GSK3B: variants seen among roughly 807,000 people sequenced by gnomAD.
GSK3B encodes glycogen synthase kinase-3 beta.
Under a neutral mutation model 56.4 loss-of-function variants are expected in GSK3B, and 15 were observed. The ratio of observed to expected loss-of-function variants is 0.27; its 90% CI spans 0.18 to 0.41. The LOEUF (loss-of-function observed/expected upper bound fraction) is 0.41. GSK3B is among the 10% of genes least tolerant of loss of function. GSK3B has a pLI of 1.00. For missense variants in GSK3B, 300 were observed against 513.4 expected (o/e 0.58, Z 4.02); for synonymous variants, 181 against 188.9 (o/e 0.96, Z 0.34).
At chr3:119,929,586 A>G (rs141123859) in intron 3 of GSK3B, among the ~76,000 whole-genome samples, 4 of 151,962 alleles carry the variant, frequency 2.6e-5, no homozygotes, top group Non-Finnish European at 5.9e-5. Context: ...TGGGCAACAC[A>G]GGGAGGCACC....
intron 2 of GSK3B, among the ~76,000 whole-genome samples, chr3:119,983,176 G>C (rs1361272821): frequency 1.3e-5 from 2 of 152,058 alleles, no homozygotes; most frequent in Admixed American, 6.5e-5. Flanking sequence ...GTCACCACCA[G>C]GCCTGCCTTA....
intron 1 of GSK3B, among the ~76,000 whole-genome samples, chr3:120,040,935 T>C (rs989974736): frequency 1.3e-5 from 2 of 151,860 alleles, no homozygotes; most frequent in African/African-American, 4.8e-5. Context: ...TATGAACCTA[T>C]TCCCTCCCAG....
intron 4 of GSK3B, among the ~76,000 whole-genome samples, chr3:119,922,128 T>A (rs567585926): frequency 1.4e-5 from 2 of 146,200 alleles, no homozygotes; most frequent in Non-Finnish European, 3.0e-5. Flanking sequence ...CAGAGTGAAA[T>A]GAAGGAAGGA....
At chr3:119,888,532 C>G (rs1559823797) in intron 7 of GSK3B, among the ~76,000 whole-genome samples, 2 of 152,092 alleles carry the variant, frequency 1.3e-5, no homozygotes, top group African/African-American at 4.8e-5. Flanking sequence ...GGATGTACGT[C>G]ACCTCAGGCC....
chr3:119,844,239 T>C (rs778087516), intron 9 of GSK3B, among the ~76,000 whole-genome samples: 25 of 151,764 alleles, frequency 1.6e-4, no homozygotes, highest in African/African-American at 2.7e-4. Context: ...AGATGTAAAA[T>C]TGACACCCTA....
chr3:119,979,494 G>A (rs966683766), intron 2 of GSK3B, among the ~76,000 whole-genome samples: 4 of 151,924 alleles, frequency 2.6e-5, no homozygotes, highest in African/African-American at 9.7e-5. Flanking sequence ...TCCTCCACCT[G>A]TTACCCATTC....
At chr3:119,863,308 AC>A in intron 9 of GSK3B, 110 bp downstream of exon 9, 1 of 827,634 alleles carries the variant, frequency 1.2e-6, no homozygotes, top group Non-Finnish European at 2.0e-6. Context: ...CTACCTAAGT[AC>A]TTAATATGTC....
intron 2 of GSK3B, among the ~76,000 whole-genome samples, chr3:119,954,686 CTTT>C (rs1303752389): frequency 6.6e-6 from 1 of 152,084 alleles, no homozygotes; most frequent in Non-Finnish European, 1.5e-5. Context: ...AAAACTGATT[CTTT>C]TGTTTTAACC....
At chr3:120,073,280 T>G (rs1466736687) in intron 1 of GSK3B, among the ~76,000 whole-genome samples, 1 of 144,178 alleles carries the variant, frequency 6.9e-6, no homozygotes, top group South Asian at 2.2e-4. Context: ...TCCTAGCTAA[T>G]TGAAAGGCTG....
intron 7 of GSK3B, among the ~76,000 whole-genome samples, chr3:119,893,102 G>A (rs947748941): frequency 6.6e-6 from 1 of 151,998 alleles, no homozygotes; most frequent in African/African-American, 2.4e-5. Context: ...CTACCTCCCA[G>A]GTTCAAGTGA....
chr3:120,017,310 A>G (rs1403108949), intron 1 of GSK3B, among the ~76,000 whole-genome samples: 1 of 152,232 alleles, frequency 6.6e-6, no homozygotes, highest in Non-Finnish European at 1.5e-5. Flanking sequence ...AGCCAGAAGA[A>G]AGCCAGAAAA....
rs1013446653 is a variant in GSK3B at position 120,003,666 on chromosome 3, T to A, written c.89-1427A>T. ...ATCCAAATGCACTAGTGGAATATTATAACCAATATTTATATCCATTTAAAT... is the reference window on the plus strand; with the variant it reads ...ATCCAAATGCACTAGTGGAATATTAAAACCAATATTTATATCCATTTAAAT... On this transcript the variant is annotated intron_variant, in intron 1 of 10. Transcript: ENST00000264235. Among the ~76,000 whole-genome samples, 7 of 152,370 alleles carry A rather than the reference T, an allele frequency of 4.6e-5. No individual in the cohort carries two copies. The East Asian group carries it at 1.2e-3, about 25-fold the overall frequency.
intron 1 of GSK3B, among the ~76,000 whole-genome samples, chr3:120,073,458 T>C (rs1386940374): frequency 6.6e-6 from 1 of 152,148 alleles, no homozygotes; most frequent in Non-Finnish European, 1.5e-5. Context: ...ACTACACTTC[T>C]TACCCATCTC....
At chr3:119,993,676 G>A (rs887484293) in intron 2 of GSK3B, among the ~76,000 whole-genome samples, 1 of 152,138 alleles carries the variant, frequency 6.6e-6, no homozygotes, top group Non-Finnish European at 1.5e-5. Flanking sequence ...TCAGAAAGAG[G>A]AGTTACAAAT....
chr3:120,031,685 C>T (rs944937981), intron 1 of GSK3B, among the ~76,000 whole-genome samples: 25 of 152,212 alleles, frequency 1.6e-4, no homozygotes, highest in Non-Finnish European at 3.4e-4. Flanking sequence ...TATCACCATC[C>T]TCTGTTTCAC....
rs1025074952 is a variant in GSK3B at position 119,821,516 on chromosome 3, G to A, written c.*5272C>T. 1 of 152,172 alleles carries A rather than the reference G, an allele frequency of 6.6e-6. No homozygotes were observed. Among genetic ancestry groups the A allele is most frequent in the South Asian group, 2.1e-4 (1 of 4,836 alleles). The allele number at this position is 152,172 out of a possible 1,614,324, so 9.4% of individuals were successfully genotyped here. ...CACAACATGTGTTGGTTACCTGGGA[G>A]GTACAGCCCCACTGTTCGTGGTGTC... is the stretch of plus-strand genomic sequence containing the variant. On this transcript the variant is annotated 3_prime_UTR_variant, in exon 11 of 11. Coordinates refer to ENST00000264235, the MANE Select transcript of GSK3B (RefSeq NM_001146156.2).
intron 1 of GSK3B, among the ~76,000 whole-genome samples, chr3:120,043,919 A>C (rs2058082720): frequency 6.6e-6 from 1 of 152,270 alleles, no homozygotes; most frequent in South Asian, 2.1e-4. Flanking sequence ...TTGTAGAAGC[A>C]GATGATCTAA....
chr3:119,988,940 A>G (rs28658031), intron 2 of GSK3B, among the ~76,000 whole-genome samples: 1 of 152,208 alleles, frequency 6.6e-6, no homozygotes. Flanking sequence ...TATTTAAAAA[A>G]CCATAGCACA....
chr3:120,011,746 G>A (rs192452538), intron 1 of GSK3B, among the ~76,000 whole-genome samples: 220 of 152,162 alleles, frequency 1.4e-3, no homozygotes, highest in Middle Eastern at 3.4e-3. Context: ...AAGGAAAAGC[G>A]CATTACCATT....
Sources: allele counts gnomAD v4.1 joint callset (sites outside exome capture counted in the v4.1 genomes callset), GRCh38; gene constraint gnomAD v4.1.1; transcripts MANE v1.5; gene names NCBI Gene and HGNC (gene_info 2026-07-23, HGNC 2026-07-21).